PTK2: variants seen among roughly 807,000 people sequenced by gnomAD.
PTK2 encodes the protein protein tyrosine kinase 2.
A neutral mutation model predicts 150.1 loss-of-function variants in PTK2; 45 were observed. The observed-to-expected ratio is 0.30, with a 90% CI of 0.24 to 0.38. PTK2 has a LOEUF of 0.38. Ranked by LOEUF, PTK2 falls within the 10% of genes least tolerant of loss-of-function variation. The pLI is 1.00. For synonymous variants in PTK2, 432 were observed against 449.2 expected (o/e 0.96, Z 0.48); for missense variants, 919 against 1,307.3 (o/e 0.70, Z 4.58).
chr8:140,754,263 A>G (rs527755477), intron 16 of PTK2, among the ~76,000 whole-genome samples: 1 of 152,254 alleles, frequency 6.6e-6, no homozygotes, highest in Non-Finnish European at 1.5e-5. Context: ...AATGTGAACA[A>G]GAGCACAGAA....
chr8:140,758,656 T>A (rs2100067343), intron 16 of PTK2, among the ~76,000 whole-genome samples: 1 of 152,172 alleles, frequency 6.6e-6, no homozygotes. Context: ...ATTAAAAAAA[T>A]TTAAATAGAA....
intron 7 of PTK2, among the ~76,000 whole-genome samples, chr8:140,830,990 A>G (rs1689073098): frequency 1.3e-5 from 2 of 152,342 alleles, no homozygotes; most frequent in Admixed American, 6.5e-5. Flanking sequence ...GTTTATCCTA[A>G]AAGTTGACTA....
rs1460648570 is a variant in PTK2, at chr8:140,938,979, G to GT, written c.-121-13231dup. Among the ~76,000 whole-genome samples, 121 of 125,072 alleles carry GT rather than the reference G, an allele frequency of 9.7e-4. 1 individual carries two copies. The East Asian group carries it at 0.023, about 24-fold the overall frequency. The allele number at this position is 125,072 out of a possible 152,430, so 82.1% of individuals were successfully genotyped here. ...GCAATACAGTAAGACCCCATTCTCAGTATTTTTTTTTTTGAAAAAAGAATA... is the reference window on the plus strand; with the variant it reads ...GCAATACAGTAAGACCCCATTCTCAGTTATTTTTTTTTTTGAAAAAAGAATA... On this transcript the variant is annotated intron_variant, in intron 1 of 31. Coordinates refer to ENST00000522684, the Ensembl canonical transcript of PTK2.
chr8:140,704,000 G>A (rs1339444853), intron 24 of PTK2, among the ~76,000 whole-genome samples: 1 of 152,096 alleles, frequency 6.6e-6, no homozygotes, highest in African/African-American at 2.4e-5. Flanking sequence ...AATTTCATAT[G>A]GACAATATGA....
chr8:140,885,403 CAAT>C (rs747508245), intron 3 of PTK2, among the ~76,000 whole-genome samples: 6 of 152,062 alleles, frequency 3.9e-5, no homozygotes, highest in Non-Finnish European at 7.4e-5. Context: ...AAGACATTGG[CAAT>C]AATACCATGA....
At chr8:140,847,223 A>C (rs4327896) in intron 5 of PTK2, among the ~76,000 whole-genome samples, 68,524 of 152,094 alleles carry the variant, frequency 0.45, 15,889 homozygotes, top group Admixed American at 0.57. Context: ...GAAAAGGCAA[A>C]GGATTTACGT....
At chr8:140,713,324 G>C (rs1268521968) in intron 23 of PTK2, among the ~76,000 whole-genome samples, 1 of 152,104 alleles carries the variant, frequency 6.6e-6, no homozygotes, top group African/African-American at 2.4e-5. Flanking sequence ...GCAGTGGCGC[G>C]ATCTCAGCTC....
intron 8 of PTK2, among the ~76,000 whole-genome samples, chr8:140,823,283 A>G (rs2100109904): frequency 6.6e-6 from 1 of 152,248 alleles, no homozygotes; most frequent in Non-Finnish European, 1.5e-5. Context: ...TATGTAAAAT[A>G]GGTACAGAAA....
intron 1 of PTK2, among the ~76,000 whole-genome samples, chr8:140,973,380 T>C (rs1405242431): frequency 1.3e-5 from 2 of 152,134 alleles, no homozygotes; most frequent in Non-Finnish European, 2.9e-5. Context: ...CATTTGACTT[T>C]TCTGGGTTAT....
chr8:140,937,955 T>G (rs778911057), intron 1 of PTK2, among the ~76,000 whole-genome samples: 2 of 152,134 alleles, frequency 1.3e-5, no homozygotes, highest in Admixed American at 6.6e-5. Context: ...TGACCAAAAT[T>G]ATTTCTTCTG....
chr8:140,948,536 T>C (rs1308211909), intron 1 of PTK2: 1 of 152,200 alleles, frequency 6.6e-6, no homozygotes, highest in Non-Finnish European at 1.5e-5. Context: ...ACATATCAAC[T>C]ATTTAACAAT....
exon 20 of PTK2, chr8:140,743,247 T>C (rs375296546): frequency 6.2e-7 from 1 of 1,604,092 alleles, no homozygotes; most frequent in Non-Finnish European, 8.5e-7. Flanking sequence ...GTAAGTACTA[T>C]CTTCCATATA....
At chr8:140,886,809 C>T (rs2100152494) in intron 3 of PTK2, among the ~76,000 whole-genome samples, 1 of 152,138 alleles carries the variant, frequency 6.6e-6, no homozygotes, top group Non-Finnish European at 1.5e-5. Context: ...TTCTTGCATC[C>T]AGCATTGCTG....
intron 18 of PTK2, 126 bp downstream of exon 21, chr8:140,746,634 T>A: frequency 1.5e-6 from 1 of 647,106 alleles, no homozygotes; most frequent in Non-Finnish European, 2.6e-6. Context: ...ACCAAAACCA[T>A]AATGACATAC....
chr8:140,919,714 A>G (rs1204234757), intron 2 of PTK2, among the ~76,000 whole-genome samples: 1 of 152,192 alleles, frequency 6.6e-6, no homozygotes, highest in Non-Finnish European at 1.5e-5. Context: ...AAAATTTTAA[A>G]AAGTTCCCAT....
chr8:140,858,784 C>T (rs1318216178), intron 5 of PTK2, among the ~76,000 whole-genome samples: 2 of 152,164 alleles, frequency 1.3e-5, no homozygotes, highest in African/African-American at 4.8e-5. Context: ...ACAGAAGACA[C>T]ATTCCACTCA....
At chr8:140,959,538 C>CA (rs34010616) in intron 1 of PTK2, among the ~76,000 whole-genome samples, 2,187 of 84,986 alleles carry the variant, frequency 0.026, 70 homozygotes, top group African/African-American at 0.087. Context: ...GACTCTGTCT[C>CA]AAAAAAAAAA....
At chr8:140,670,649 G>A (rs556623038) in intron 29 of PTK2, among the ~76,000 whole-genome samples, 2 of 152,014 alleles carry the variant, frequency 1.3e-5, no homozygotes, top group African/African-American at 4.8e-5. Flanking sequence ...TTTATTTAAT[G>A]TGTTTTCTCT....
intron 13 of PTK2, among the ~76,000 whole-genome samples, chr8:140,790,970 A>G (rs531358167): frequency 6.6e-6 from 1 of 152,310 alleles, no homozygotes; most frequent in South Asian, 2.1e-4. Flanking sequence ...GCTGTTGCTA[A>G]GCAACTTTCT....
Sources: allele counts gnomAD v4.1 joint callset (sites outside exome capture counted in the v4.1 genomes callset), GRCh38; gene constraint gnomAD v4.1.1; transcripts MANE v1.5; gene names NCBI Gene and HGNC (gene_info 2026-07-23, HGNC 2026-07-21).